The following MTCL2 variants were observed in gnomAD, a reference collection of about 807,000 sequenced individuals.
MTCL2 encodes the protein microtubule cross-linking factor 2.
chr20:36,830,052 T>C, the MTCL2 span, among the ~76,000 whole-genome samples: 1 of 152,072 alleles, frequency 6.6e-6, no homozygotes, highest in East Asian at 1.9e-4. Flanking sequence ...CAGGAGAGTC[T>C]TGAACTTGTG....
chr20:36,816,453 G>A, the MTCL2 span: 5 of 675,076 alleles, frequency 7.4e-6, no homozygotes, highest in Non-Finnish European at 7.4e-6. Context: ...GGGTCCGGGG[G>A]AGACGCAGAG....
the MTCL2 span, chr20:36,793,873 G>A: frequency 6.5e-7 from 1 of 1,549,562 alleles, no homozygotes; most frequent in Non-Finnish European, 8.7e-7. The surrounding 1 kb of genome is among the most constrained non-coding windows in gnomAD (Gnocchi z 6.8). Context: ...GGGGTGACCA[G>A]GCCTTGCCAT....
At chr20:36,820,148 G>C in the MTCL2 span, among the ~76,000 whole-genome samples, 1,816 of 152,276 alleles carry the variant, frequency 0.012, 39 homozygotes, top group African/African-American at 0.042. Context: ...TGGGGCCCTT[G>C]CAACGCTGAG....
At chr20:36,842,021 A>G in the MTCL2 span, among the ~76,000 whole-genome samples, 9 of 151,962 alleles carry the variant, frequency 5.9e-5, no homozygotes, top group African/African-American at 2.2e-4. Context: ...ATAAGCCACC[A>G]TGCCTGGCCT....
chr20:36,786,576 G>A, the MTCL2 span: 1 of 1,551,200 alleles, frequency 6.4e-7, no homozygotes, highest in East Asian at 2.4e-5. Context: ...GCGGATGGCA[G>A]AGCGGGACGA....
the MTCL2 span, among the ~76,000 whole-genome samples, chr20:36,837,306 G>A: frequency 6.6e-6 from 1 of 152,174 alleles, no homozygotes; most frequent in Admixed American, 6.5e-5. Context: ...TCCGAAGACA[G>A]GCAGGGGGAC....
At chr20:36,795,290 A>G in the MTCL2 span, among the ~76,000 whole-genome samples, 12 of 152,076 alleles carry the variant, frequency 7.9e-5, no homozygotes, top group Middle Eastern at 3.4e-3. Context: ...GGATCTCCCT[A>G]TGTTGCCCAG....
At chr20:36,784,705 T>C in the MTCL2 span, 1 of 985,218 alleles carries the variant, frequency 1.0e-6, no homozygotes, top group Non-Finnish European at 1.2e-6. Context: ...ATCCAACCAA[T>C]GGCTCAGGCA....
chr20:36,794,284 C>A, the MTCL2 span: 1 of 1,552,656 alleles, frequency 6.4e-7, no homozygotes, highest in Non-Finnish European at 8.7e-7. The surrounding 1 kb of genome is among the most constrained non-coding windows in gnomAD (Gnocchi z 5.4). Context: ...TGTCATGAAC[C>A]ACAGGGACTC....
the MTCL2 span, among the ~76,000 whole-genome samples, chr20:36,811,047 T>C: frequency 6.6e-6 from 1 of 152,118 alleles, no homozygotes; most frequent in African/African-American, 2.4e-5. Flanking sequence ...AAAACCTTCC[T>C]AGGCATGGCA....
the MTCL2 span, chr20:36,794,402 G>A: frequency 5.0e-6 from 8 of 1,613,676 alleles, no homozygotes; most frequent in Non-Finnish European, 1.7e-6. This position sits in a 1 kb window ranked among gnomAD's most constrained non-coding sequence, Gnocchi z 5.4. Flanking sequence ...GCAGGCCAGG[G>A]CACCCAGGTG....
the MTCL2 span, among the ~76,000 whole-genome samples, chr20:36,822,157 C>T: frequency 6.6e-6 from 1 of 152,386 alleles, no homozygotes; most frequent in East Asian, 1.9e-4. Flanking sequence ...AGACCTTCCT[C>T]CCCTCTGCAC....
the MTCL2 span, among the ~76,000 whole-genome samples, chr20:36,857,360 G>C: frequency 6.6e-6 from 1 of 152,098 alleles, no homozygotes; most frequent in African/African-American, 2.4e-5. Context: ...TAGAATGGGA[G>C]TTGTGTGGCT....
the MTCL2 span, chr20:36,859,799 A>G: frequency 8.1e-7 from 1 of 1,231,570 alleles, no homozygotes; most frequent in South Asian, 4.1e-5. Flanking sequence ...CATACTGGGG[A>G]TTTGGAGTCC....
chr20:36,793,414 G>C, the MTCL2 span: 2 of 1,551,354 alleles, frequency 1.3e-6, no homozygotes, highest in East Asian at 2.4e-5. This position sits in a 1 kb window ranked among gnomAD's most constrained non-coding sequence, Gnocchi z 6.8. Flanking sequence ...CTGGGGAGAG[G>C]GGCTCTGGCT....
the MTCL2 span, among the ~76,000 whole-genome samples, chr20:36,788,652 A>G: frequency 6.6e-6 from 1 of 152,188 alleles, no homozygotes; most frequent in Non-Finnish European, 1.5e-5. Context: ...ATAAATAAAT[A>G]AATAAATAAA....
the MTCL2 span, chr20:36,781,721 A>T: frequency 6.6e-6 from 1 of 150,974 alleles, no homozygotes; most frequent in South Asian, 2.1e-4. Context: ...ATAAATAAAT[A>T]AAATAAAAAA....
the MTCL2 span, among the ~76,000 whole-genome samples, chr20:36,853,228 C>T: frequency 2.9e-3 from 436 of 152,186 alleles, 2 homozygotes; most frequent in Non-Finnish European, 4.7e-3. Flanking sequence ...GGGCCTGGAC[C>T]CGCCTCTCCA....
At chr20:36,790,676 A>C in the MTCL2 span, among the ~76,000 whole-genome samples, 1 of 150,128 alleles carries the variant, frequency 6.7e-6, no homozygotes. Flanking sequence ...AGCTCAGGCA[A>C]TCCACCTGCC....
Sources: gnomAD v4.1 joint callset for allele counts (sites outside exome capture counted in the v4.1 genomes callset) on GRCh38, gnomAD v4.1.1 for gene constraint, Gnocchi (gnomAD v3.1) non-coding constraint, MANE v1.5 for transcripts, NCBI Gene and HGNC (gene_info 2026-07-23, HGNC 2026-07-21) for gene names.